The following TEAD1 variants were observed in gnomAD, a reference collection of about 807,000 sequenced individuals.
TEAD1 encodes transcriptional enhancer factor TEF-1.
Under a neutral mutation model 54.9 loss-of-function variants are expected in TEAD1, and 9 were observed. The ratio of observed to expected loss-of-function variants is 0.16; its 90% CI spans 0.10 to 0.29. TEAD1 has a LOEUF of 0.29. TEAD1 is among the 10% of genes least tolerant of loss of function. TEAD1 has a pLI of 1.00. For missense variants in TEAD1, 387 were observed against 535.9 expected, an observed-to-expected ratio of 0.72 and a Z score of 2.74; for synonymous variants, 200 against 187.8, an observed-to-expected ratio of 1.07 and a Z score of -0.53.
At chr11:12,856,802 A>G (rs1382621822) in intron 3 of TEAD1, among the ~76,000 whole-genome samples, 1 of 152,182 alleles carries the variant, frequency 6.6e-6, no homozygotes, top group Non-Finnish European at 1.5e-5. Flanking sequence ...AGGGCAGTCC[A>G]GTCCTTCATG....
chr11:12,855,327 G>T (rs1011227994), intron 3 of TEAD1, among the ~76,000 whole-genome samples: 10 of 151,054 alleles, frequency 6.6e-5, no homozygotes, highest in African/African-American at 2.4e-4. Flanking sequence ...GTCTCGCTCT[G>T]TCATCAGGCT....
chr11:12,679,149 G>GT (rs1375470486), intron 2 of TEAD1, among the ~76,000 whole-genome samples: 6 of 152,098 alleles, frequency 3.9e-5, no homozygotes, highest in Non-Finnish European at 8.8e-5. Context: ...GTGGTGGGGA[G>GT]TAGGGGGAAG....
intron 3 of TEAD1, among the ~76,000 whole-genome samples, chr11:12,832,362 C>G (rs1946800958): frequency 6.6e-6 from 1 of 152,172 alleles, no homozygotes; most frequent in South Asian, 2.1e-4. Context: ...GGGGAAAAAT[C>G]CAAGTTTTTG....
intron 10 of TEAD1, among the ~76,000 whole-genome samples, chr11:12,919,006 G>C (rs1019636257): frequency 5.3e-5 from 8 of 152,302 alleles, no homozygotes; most frequent in African/African-American, 1.9e-4. Flanking sequence ...AGGATATTTG[G>C]GGGAGAGAGG....
chr11:12,864,024 C>G (rs1304098754), intron 4 of TEAD1, among the ~76,000 whole-genome samples: 1 of 151,488 alleles, frequency 6.6e-6, no homozygotes, highest in Non-Finnish European at 1.5e-5. Flanking sequence ...CACTTGGCGC[C>G]CAGTCAATAC....
intron 2 of TEAD1, among the ~76,000 whole-genome samples, chr11:12,717,476 A>G (rs1021995816): frequency 1.3e-5 from 2 of 152,204 alleles, no homozygotes; most frequent in African/African-American, 4.8e-5. Context: ...TGGAGAATCA[A>G]GTTTGCATGT....
At chr11:12,699,710 A>G (rs1943656813) in intron 2 of TEAD1, among the ~76,000 whole-genome samples, 1 of 152,240 alleles carries the variant, frequency 6.6e-6, no homozygotes, top group South Asian at 2.1e-4. Flanking sequence ...CTCAGTGTCT[A>G]GAAAACCTCT....
chr11:12,861,704 C>T (rs1375117967), intron 3 of TEAD1, among the ~76,000 whole-genome samples: 7 of 152,184 alleles, frequency 4.6e-5, no homozygotes, highest in Admixed American at 2.0e-4. Flanking sequence ...AGATAAATTT[C>T]AGCTGGGTGC....
intron 3 of TEAD1, among the ~76,000 whole-genome samples, chr11:12,778,229 A>G (rs926592341): frequency 3.9e-5 from 6 of 152,166 alleles, no homozygotes; most frequent in Admixed American, 6.5e-5. Flanking sequence ...AGTAGTGGTT[A>G]AGAGCTCAGG....
chr11:12,768,592 A>G (rs905707239), intron 3 of TEAD1, among the ~76,000 whole-genome samples: 7 of 152,228 alleles, frequency 4.6e-5, no homozygotes, highest in Non-Finnish European at 8.8e-5. Flanking sequence ...TTTCAAATTC[A>G]GGGCTGTCTG....
intron 9 of TEAD1, among the ~76,000 whole-genome samples, chr11:12,901,374 C>T (rs1238133710): frequency 6.6e-6 from 1 of 152,154 alleles, no homozygotes; most frequent in Admixed American, 6.5e-5. Context: ...TTTGCACTGA[C>T]AGTGACATAT....
chr11:12,931,351 T>A (rs1446251996), intron 12 of TEAD1, among the ~76,000 whole-genome samples: 1 of 152,136 alleles, frequency 6.6e-6, no homozygotes, highest in African/African-American at 2.4e-5. Context: ...AAAAGTAACA[T>A]TACTTGATTA....
intron 2 of TEAD1, among the ~76,000 whole-genome samples, chr11:12,698,616 A>T (rs1943636186): frequency 6.6e-6 from 1 of 151,920 alleles, no homozygotes; most frequent in Non-Finnish European, 1.5e-5. Context: ...AAACCTTACC[A>T]GCTGATCCTT....
intron 2 of TEAD1, among the ~76,000 whole-genome samples, chr11:12,728,813 C>T (rs1390826153): frequency 5.9e-5 from 9 of 152,114 alleles, no homozygotes; most frequent in Admixed American, 2.6e-4. Context: ...TCTTTTCTTC[C>T]CTAAGTGTAG....
At chr11:12,807,459 C>T (rs1481869579) in intron 3 of TEAD1, among the ~76,000 whole-genome samples, 1 of 152,202 alleles carries the variant, frequency 6.6e-6, no homozygotes, top group Non-Finnish European at 1.5e-5. Flanking sequence ...CTTCTAGTTA[C>T]TTGTGTAACC....
chr11:12,728,478 G>T (rs1441499712), intron 2 of TEAD1, among the ~76,000 whole-genome samples: 1 of 152,220 alleles, frequency 6.6e-6, no homozygotes, highest in Admixed American at 6.5e-5. Context: ...CAGTGGGGCA[G>T]AGACAATTCG....
chr11:12,879,985 G>C, intron 6 of TEAD1, 143 bp downstream of exon 6: 2 of 1,262,944 alleles, frequency 1.6e-6, no homozygotes, highest in Admixed American at 3.9e-5. Flanking sequence ...TGATAACTGA[G>C]TCTAAAGTGG....
intron 3 of TEAD1, among the ~76,000 whole-genome samples, chr11:12,788,015 T>C (rs981514917): frequency 2.7e-5 from 4 of 150,290 alleles, no homozygotes; most frequent in Non-Finnish European, 4.4e-5. Flanking sequence ...CAGGCTGGAG[T>C]GCAATGACTC....
intron 2 of TEAD1, among the ~76,000 whole-genome samples, chr11:12,726,557 A>AG (rs199795330): frequency 2.0e-3 from 307 of 151,850 alleles, no homozygotes; most frequent in African/African-American, 7.1e-3. Flanking sequence ...ATGGGGGGAA[A>AG]AAAAGTAAAA....
Sources: allele counts gnomAD v4.1 joint callset (sites outside exome capture counted in the v4.1 genomes callset), GRCh38; gene constraint gnomAD v4.1.1; transcripts MANE v1.5; gene names NCBI Gene and HGNC (gene_info 2026-07-23, HGNC 2026-07-21).